The following AIFM1 variants were observed in gnomAD, a reference collection of about 807,000 sequenced individuals.
AIFM1 encodes apoptosis inducing factor mitochondria associated 1.
Under a neutral mutation model 51.7 loss-of-function variants are expected in AIFM1, and 3 were observed. The ratio of observed to expected loss-of-function variants is 0.06; its 90% CI spans 0.03 to 0.15. The LOEUF (loss-of-function observed/expected upper bound fraction) is 0.15, where lower values mean the gene tolerates loss of function less well. AIFM1 is among the 10% of genes least tolerant of loss of function. The pLI is 1.00. For missense variants in AIFM1, 330 were observed against 476.8 expected (o/e 0.69, Z 2.87); for synonymous variants, 178 against 179.4 (o/e 0.99, Z 0.06).
At chrX:130,140,106 T>G (rs1038965994) in intron 7 of AIFM1, among the ~76,000 whole-genome samples, 2 of 112,522 alleles carry the variant, frequency 1.8e-5, no homozygotes, top group African/African-American at 6.5e-5. Flanking sequence ...TGCCCCTAGG[T>G]GGCCAAAAGG....
chrX:130,138,129 T>A (rs1049653158), intron 9 of AIFM1: 15 of 119,700 alleles, frequency 1.3e-4, no homozygotes, highest in Non-Finnish European at 2.3e-4. Flanking sequence ...CACCAAGGGA[T>A]CCCTCACCAG....
intron 13 of AIFM1, among the ~76,000 whole-genome samples, chrX:130,132,168 G>A (rs998061782): frequency 2.3e-4 from 26 of 111,806 alleles, no homozygotes; most frequent in East Asian, 1.7e-3. Flanking sequence ...CACCGCACCC[G>A]ACCAACACCG....
At chrX:130,154,306 C>T (rs1319060720) in intron 2 of AIFM1, among the ~76,000 whole-genome samples, 1 of 112,045 alleles carries the variant, frequency 8.9e-6, no homozygotes, top group Non-Finnish European at 1.9e-5. Flanking sequence ...GCATGGTCAA[C>T]TCTGTGGAGG....
intron 6 of AIFM1, among the ~76,000 whole-genome samples, chrX:130,144,895 G>C (rs2030701030): frequency 8.9e-6 from 1 of 111,906 alleles, no homozygotes; most frequent in Non-Finnish European, 1.9e-5. Flanking sequence ...CCTAACGAAG[G>C]ACAATCCTTC....
intron 2 of AIFM1, among the ~76,000 whole-genome samples, chrX:130,151,536 G>A (rs2030980151): frequency 8.9e-6 from 1 of 111,933 alleles, no homozygotes; most frequent in South Asian, 3.7e-4. Context: ...TGAGAGCTGG[G>A]TTCAACCTGG....
chrX:130,135,989 C>G (rs2030318901), intron 12 of AIFM1, 56 bp downstream of exon 12: 26 of 1,205,242 alleles, frequency 2.2e-5, no homozygotes, highest in Non-Finnish European at 2.9e-5. Context: ...ACCGGGCAGA[C>G]TTGTTCACAG....
chrX:130,130,665 T>C (rs749670970), intron 14 of AIFM1, among the ~76,000 whole-genome samples: 1 of 112,847 alleles, frequency 8.9e-6, no homozygotes, highest in African/African-American at 3.2e-5. Context: ...GCTAACGTAC[T>C]GGACAGAGCA....
intron 6 of AIFM1, among the ~76,000 whole-genome samples, chrX:130,144,958 G>A (rs1357942807): frequency 1.8e-5 from 2 of 111,606 alleles, no homozygotes; most frequent in Non-Finnish European, 3.8e-5. Flanking sequence ...CAGAGAATGC[G>A]TCCCTATTGG....
In AIFM1 at chrX:130,159,577, C is replaced by A. The variant is rs1028979975; in HGVS notation, c.107-2974G>T. ...GAATTTAGTTTGTCCTCCACCTCTA[C>A]CCCTGGTTCATTTACTAAAAATAAA... On this transcript the variant is annotated intron_variant, in intron 1 of 15. Transcript: ENST00000287295. Among the ~76,000 whole-genome samples the A allele has an allele frequency of 1.3e-4, 14 of 111,263 alleles. 3 individuals are homozygous for A. Among genetic ancestry groups the A allele is most frequent in the Admixed American group, 1.2e-3 (13 of 10,414 alleles).
At chrX:130,165,496 G>A in intron 1 of AIFM1, 55 bp downstream of exon 1, 7 of 1,020,525 alleles carry the variant, frequency 6.9e-6, no homozygotes, top group Middle Eastern at 2.5e-4. Context: ...AAGGCACAGG[G>A]AGCCTAAGGC....
chrX:130,135,543 T>C (rs1160666117), intron 12 of AIFM1, among the ~76,000 whole-genome samples: 1 of 109,226 alleles, frequency 9.2e-6, no homozygotes, highest in Non-Finnish European at 1.9e-5. Context: ...CACTTGTAAC[T>C]AGCAATGGGG....
intron 2 of AIFM1, among the ~76,000 whole-genome samples, chrX:130,153,379 G>A (rs1353838731): frequency 9.5e-6 from 1 of 105,032 alleles, no homozygotes; most frequent in East Asian, 2.9e-4. Flanking sequence ...AAAAAAGTCG[G>A]CAGTTTACTC....
At chrX:130,157,295 G>C (rs774437030) in intron 1 of AIFM1, among the ~76,000 whole-genome samples, 28 of 112,361 alleles carry the variant, frequency 2.5e-4, no homozygotes, top group African/African-American at 9.1e-4. Context: ...GCTATGTAAT[G>C]ATGTGATGAT....
At chrX:130,150,532 T>G (rs2030929471) in intron 2 of AIFM1, among the ~76,000 whole-genome samples, 1 of 103,558 alleles carries the variant, frequency 9.7e-6, no homozygotes, top group Non-Finnish European at 2.0e-5. Flanking sequence ...AGACGGGGTT[T>G]CACCGTTTTA....
At chrX:130,135,124 C>T (rs1241917621) in intron 12 of AIFM1, among the ~76,000 whole-genome samples, 1 of 107,295 alleles carries the variant, frequency 9.3e-6, no homozygotes. Context: ...CTGTTGTTGC[C>T]CAGGCTGGAG....
intron 9 of AIFM1, chrX:130,138,180 A>T (rs987983447): frequency 6.2e-6 from 1 of 161,904 alleles, no homozygotes; most frequent in African/African-American, 3.1e-5. Context: ...ATAAACCTTA[A>T]TTAGGCTGGG....
chrX:130,147,900 A>G, intron 3 of AIFM1, 24 bp from the exon 4 acceptor site: 1 of 1,211,104 alleles, frequency 8.3e-7, no homozygotes, highest in Non-Finnish European at 1.1e-6. Context: ...AACAGACTGG[A>G]TGAATCTTCT....
Position 130,129,508 on chromosome X carries a change from G to A in AIFM1, c.*49C>T, listed in dbSNP as rs1057515766. ...TAAAAAAATGCTCCTTTACCCATTC[G>A]ACCTCCTCTCAGGGGCTGCAGTGGG... On this transcript the variant is annotated 3_prime_UTR_variant, in exon 16 of 16. Coordinates refer to ENST00000287295, the MANE Select transcript of AIFM1 (RefSeq NM_004208.4). 1.8e-5 allele frequency: 20 copies of A among 1,099,835 alleles called. No individual in the cohort carries two copies. The highest frequency in any genetic ancestry group is 2.4e-5 in the Non-Finnish European group (19 of 793,588). 90.6% of individuals were successfully genotyped at this position (1,099,835 alleles called of 1,213,427 possible).
chrX:130,140,596 C>G lies in AIFM1; in HGVS notation c.718G>C (p.Asp240His). 1 of 1,208,278 alleles carries G rather than the reference C, an allele frequency of 8.3e-7. No individual in the cohort carries two copies. The highest frequency in any genetic ancestry group is 1.1e-6 in the Non-Finnish European group (1 of 893,071). ...CCATCATTAAGTTTCACCATGTTGT[C>G]TCTCACATCCAGCTGTACTACCTGG... ...GKKVVQLDVR[D>H]NMVKLNDGSQ... is the part of the protein sequence containing the mutation. Residue 240 changes from aspartate (D) to histidine (H), a missense_variant, in exon 7 of 16, where the codon GAC becomes CAC. By Grantham distance (81) the Asp-to-His change is moderately conservative. Around this residue, in one of 4 missense-constraint regions of AIFM1, gnomAD observed 152 missense variants for 292.8 expected, o/e 0.52. Coordinates refer to ENST00000287295, the MANE Select transcript of AIFM1 (RefSeq NM_004208.4).
Sources: allele counts gnomAD v4.1 joint callset (sites outside exome capture counted in the v4.1 genomes callset), GRCh38; gene constraint gnomAD v4.1.1; regional missense constraint gnomAD v4.1.1; transcripts MANE v1.5; gene names NCBI Gene and HGNC (gene_info 2026-07-23, HGNC 2026-07-21).